Variants in GRHL3 observed in about 807,000 individuals in gnomAD.
GRHL3 encodes the protein grainyhead like transcription factor 3.
Under a neutral mutation model 70.3 loss-of-function variants are expected in GRHL3, and 20 were observed. The ratio of observed to expected loss-of-function variants is 0.28; its 90% CI spans 0.20 to 0.41. The LOEUF (loss-of-function observed/expected upper bound fraction) is 0.41, where lower values mean the gene tolerates loss of function less well. Among genes scored for constraint, GRHL3 ranks in the 10% least tolerant of loss-of-function variants. The pLI, the probability that GRHL3 is intolerant of heterozygous loss-of-function variation, is 1.00. For missense variants in GRHL3, 637 were observed against 762.3 expected, an observed-to-expected ratio of 0.84 and a Z score of 1.94; for synonymous variants, 299 against 299.9, an observed-to-expected ratio of 1.00 and a Z score of 0.03.
In GRHL3 at chr1:24,337,167, T is replaced by C. The variant is rs202118136; in HGVS notation, c.686+16T>C. 1.2e-6 allele frequency: 2 copies of C among 1,600,736 alleles called. No individual in the cohort carries two copies. The highest frequency in any genetic ancestry group is 1.3e-5 in the African/African-American group (1 of 74,792). On this transcript the variant is annotated intron_variant, in intron 5 of 15. Transcript: ENST00000361548. Reference sequence around the variant, plus strand: ...GCCTCAAAAGGTAACTTGGTCTCCCTGGACCCTCAGACACCTGGGCAGTGG... The same window carrying C: ...GCCTCAAAAGGTAACTTGGTCTCCCCGGACCCTCAGACACCTGGGCAGTGG...
At chr1:24,360,864 GC>G in intron 15 of GRHL3, 1 of 1,612,760 alleles carries the variant, frequency 6.2e-7, no homozygotes, top group Non-Finnish European at 8.5e-7. Flanking sequence ...GGCCAGGCAG[GC>G]CTGGCTGAGG....
chr1:24,342,775 C>T lies in GRHL3; in HGVS notation c.1285+3C>T, dbSNP rs1391218849. ...GTGCCCTGACTCCAGCAACAGTGGTCAGTGGGGATCCAGGGCCTGGGTGGG... is the reference window on the plus strand; with the variant it reads ...GTGCCCTGACTCCAGCAACAGTGGTTAGTGGGGATCCAGGGCCTGGGTGGG... On this transcript the variant is annotated splice_donor_region_variant and intron_variant, in intron 10 of 15. Coordinates refer to ENST00000361548, the MANE Select transcript of GRHL3 (RefSeq NM_198173.3). This position sits in a 1 kb window ranked among gnomAD's most constrained non-coding sequence, Gnocchi z 4.8. 6 of 1,613,954 alleles carry T rather than the reference C, an allele frequency of 3.7e-6. No homozygotes were observed. The highest frequency in any genetic ancestry group is 2.2e-5 in the East Asian group (1 of 44,898).
chr1:24,358,839 T>C (rs1006935288), downstream of GRHL3, among the ~76,000 whole-genome samples: 5 of 152,196 alleles, frequency 3.3e-5, no homozygotes, highest in African/African-American at 1.2e-4. Context: ...TTTAATTCTT[T>C]TCAACTTCTT....
At chr1:24,320,424 T>C (rs955495857) in intron 1 of GRHL3, among the ~76,000 whole-genome samples, 4 of 152,202 alleles carry the variant, frequency 2.6e-5, no homozygotes, top group African/African-American at 9.7e-5. Context: ...GATGTCCTTC[T>C]TGGGGTCCAG....
intron 13 of GRHL3, among the ~76,000 whole-genome samples, chr1:24,347,142 A>G (rs540281521): frequency 6.6e-6 from 1 of 152,178 alleles, no homozygotes; most frequent in Non-Finnish European, 1.5e-5. Context: ...GTTTCCAGAC[A>G]CTGCCATCAA....
At chr1:24,340,268 C>T (rs1639986760) in intron 8 of GRHL3, among the ~76,000 whole-genome samples, 1 of 152,152 alleles carries the variant, frequency 6.6e-6, no homozygotes, top group Admixed American at 6.5e-5. Flanking sequence ...GCGAAGGAGT[C>T]CGGTGAATGA....
At chr1:24,363,502 C>T (rs940416019) in intron 15 of GRHL3, among the ~76,000 whole-genome samples, 2 of 152,168 alleles carry the variant, frequency 1.3e-5, no homozygotes, top group African/African-American at 4.8e-5. Flanking sequence ...GGTTTGAATC[C>T]CCACTTCCCC....
rs750938001 is a variant in GRHL3 at position 24,342,126 on chromosome 1, C to T, written c.1059C>T (p.Gly353=). 53 of 1,589,316 alleles carry T rather than the reference C, an allele frequency of 3.3e-5. No homozygotes were observed. Among genetic ancestry groups the T allele is most frequent in the Middle Eastern group, 1.7e-4 (1 of 5,936 alleles). The change falls in exon 9 of 16, where the codon GGC becomes GGT. Residue 353 remains glycine (G), a synonymous_variant. Transcript: ENST00000361548. This position sits in a 1 kb window ranked among gnomAD's most constrained non-coding sequence, Gnocchi z 4.8. The part of the protein sequence containing the change: ...NVNEEAKVFI[G]VNCLSTDFSS... ...CCCTCTGTCTCCAGGTGTTCATCGGCGTAAACTGTCTGAGCACAGACTTTT... is the reference window on the plus strand; with the variant it reads ...CCCTCTGTCTCCAGGTGTTCATCGGTGTAAACTGTCTGAGCACAGACTTTT...
chr1:24,359,667 C>T (rs1640967055), downstream of GRHL3, among the ~76,000 whole-genome samples: 1 of 152,198 alleles, frequency 6.6e-6, no homozygotes, highest in South Asian at 2.1e-4. This position sits in a 1 kb window ranked among gnomAD's most constrained non-coding sequence, Gnocchi z 5.3. Flanking sequence ...CGCACGGGAG[C>T]ATCGTCAACA....
Position 24,344,939 on chromosome 1 carries a change from G to A in GRHL3, c.1454+8G>A. The A allele has an allele frequency of 1.2e-6, 2 of 1,613,394 alleles. No homozygotes were observed. Among genetic ancestry groups the A allele is most frequent in the Non-Finnish European group, 1.7e-6 (2 of 1,179,678 alleles). ...ACCCAGCAGCTCCAACAGGTATGGAGAGAAACAACCACACGCCTCCCTCCA... is the reference window on the plus strand; with the variant it reads ...ACCCAGCAGCTCCAACAGGTATGGAAAGAAACAACCACACGCCTCCCTCCA... On this transcript the variant is annotated splice_region_variant and intron_variant, in intron 12 of 15. Transcript: ENST00000361548.
chr1:24,361,582 T>C (rs1641120296), intron 15 of GRHL3, among the ~76,000 whole-genome samples: 1 of 152,142 alleles, frequency 6.6e-6, no homozygotes, highest in African/African-American at 2.4e-5. Flanking sequence ...TAGAGGCCAC[T>C]GTAACATTGA....
chr1:24,334,771 A>G lies in GRHL3; in HGVS notation c.266+65A>G. ...CACCTCCACCTGGAGCCTCTTCCAC[A>G]CAGGTTTGACTTATCCATTAGGCAC... On this transcript the variant is annotated intron_variant, in intron 3 of 15. Coordinates refer to ENST00000361548, the MANE Select transcript of GRHL3 (RefSeq NM_198173.3). The surrounding 1 kb of genome is among the most constrained non-coding windows in gnomAD (Gnocchi z 4.3). 1.5e-6 allele frequency: 2 copies of G among 1,340,176 alleles called. No individual in the cohort carries two copies. The highest frequency in any genetic ancestry group is 2.1e-6 in the Non-Finnish European group (2 of 944,682). 83.0% of individuals were successfully genotyped at this position (1,340,176 alleles called of 1,614,324 possible). A position where few individuals can be genotyped will look rare whatever the true frequency, so the allele number is the denominator to read the frequency against.
downstream of GRHL3, chr1:24,358,204 C>A (rs1256891304): frequency 3.7e-6 from 2 of 543,206 alleles, no homozygotes; most frequent in Non-Finnish European, 7.0e-6. Context: ...GAAGTCTGCG[C>A]TTCAGGAGTC....
chr1:24,333,685 T>G (rs778292906), intron 2 of GRHL3, among the ~76,000 whole-genome samples: 1 of 152,064 alleles, frequency 6.6e-6, no homozygotes, highest in African/African-American at 2.4e-5. Context: ...AGCTAGTATG[T>G]GGTAGGTCTA....
In GRHL3 at chr1:24,342,285, G is replaced by A; in HGVS notation, c.1206+12G>A. ...TCTTCTGTGACAAGGTGGCTGGACT[G>A]GGCAGACCCTATACTGGGTCCCGGG... is the stretch of plus-strand genomic sequence containing the variant. On this transcript the variant is annotated intron_variant, in intron 9 of 15. Transcript: ENST00000361548. This position sits in a 1 kb window ranked among gnomAD's most constrained non-coding sequence, Gnocchi z 4.8. 1 of 1,595,658 alleles carries A rather than the reference G, an allele frequency of 6.3e-7. No homozygotes were observed. Among genetic ancestry groups the A allele is most frequent in the South Asian group, 1.1e-5 (1 of 87,790 alleles).
At chr1:24,346,512 C>A in intron 12 of GRHL3, 41 bp from the exon 13 acceptor site, 2 of 1,465,408 alleles carry the variant, frequency 1.4e-6, no homozygotes, top group Non-Finnish European at 1.9e-6. Context: ...CTCTAGGGGT[C>A]CCCAAGTTTC....
chr1:24,337,344 G>C (rs972479432), intron 5 of GRHL3, among the ~76,000 whole-genome samples, 193 bp downstream of exon 5: 2 of 152,186 alleles, frequency 1.3e-5, no homozygotes, highest in African/African-American at 4.8e-5. Context: ...CTCAGAACTT[G>C]TACCTTATCA....
At chr1:24,331,849 G>A (rs1639628149) in intron 2 of GRHL3, among the ~76,000 whole-genome samples, 1 of 152,154 alleles carries the variant, frequency 6.6e-6, no homozygotes, top group Admixed American at 6.5e-5. Context: ...TTCTTGTCTG[G>A]GTGCCCTCAG....
intron 14 of GRHL3, among the ~76,000 whole-genome samples, chr1:24,349,587 T>C (rs1416228801): frequency 1.3e-5 from 2 of 152,246 alleles, no homozygotes; most frequent in Admixed American, 6.5e-5. Flanking sequence ...GCACTGTTCC[T>C]GTCTCCACAG....
Sources: allele counts gnomAD v4.1 joint callset (sites outside exome capture counted in the v4.1 genomes callset), GRCh38; gene constraint gnomAD v4.1.1; non-coding constraint Gnocchi (gnomAD v3.1); transcripts MANE v1.5; gene names NCBI Gene and HGNC (gene_info 2026-07-23, HGNC 2026-07-21).